Variants in CADPS observed in about 807,000 individuals in gnomAD.
The protein encoded by CADPS is calcium-dependent secretion activator 1.
Under a neutral mutation model 167.3 loss-of-function variants are expected in CADPS, and 57 were observed. That is an observed-to-expected ratio of 0.34 (90% CI 0.28 to 0.42). The LOEUF is 0.42. Among genes scored for constraint, CADPS ranks in the 20% least tolerant of loss-of-function variants. CADPS has a pLI of 1.00. For missense variants in CADPS, 1,414 were observed against 1,738.1 expected, an observed-to-expected ratio of 0.81 and a Z score of 3.32; for synonymous variants, 676 against 635.3, an observed-to-expected ratio of 1.06 and a Z score of -0.96.
intron 13 of CADPS, among the ~76,000 whole-genome samples, chr3:62,525,774 G>GA (rs898370387): frequency 1.3e-5 from 2 of 151,438 alleles, no homozygotes; most frequent in African/African-American, 4.9e-5. Context: ...TAGAGTGAAA[G>GA]AAAAAAATGT....
At chr3:62,654,896 A>G (rs1357782766) in intron 4 of CADPS, among the ~76,000 whole-genome samples, 2 of 152,128 alleles carry the variant, frequency 1.3e-5, no homozygotes, top group Non-Finnish European at 2.9e-5. Context: ...ATTTTGAGAG[A>G]CTGTCTTGTC....
intron 28 of CADPS, among the ~76,000 whole-genome samples, chr3:62,415,050 G>A (rs1029853521): frequency 6.6e-6 from 1 of 152,150 alleles, no homozygotes; most frequent in African/African-American, 2.4e-5. Flanking sequence ...CCCAGCTGGT[G>A]GCCCGAGGCA....
intron 6 of CADPS, among the ~76,000 whole-genome samples, chr3:62,603,615 T>C (rs2060276610): frequency 6.6e-6 from 1 of 152,228 alleles, no homozygotes; most frequent in Non-Finnish European, 1.5e-5. Context: ...ATTTTTTTTC[T>C]GTCCTAAAAC....
At chr3:62,524,648 G>A (rs897363796) in intron 13 of CADPS, among the ~76,000 whole-genome samples, 2 of 152,114 alleles carry the variant, frequency 1.3e-5, no homozygotes, top group African/African-American at 4.8e-5. Flanking sequence ...AGTATCAGAA[G>A]GTGTCATTAA....
intron 1 of CADPS, chr3:62,779,419 T>G: frequency 2.1e-6 from 1 of 483,210 alleles, no homozygotes; most frequent in South Asian, 1.8e-5. Flanking sequence ...CTTCTTAATT[T>G]CATTCTTGAT....
intron 23 of CADPS, among the ~76,000 whole-genome samples, chr3:62,475,578 T>G (rs2061168053): frequency 1.1e-5 from 1 of 92,714 alleles, no homozygotes; most frequent in Non-Finnish European, 2.0e-5. Context: ...GGAGCCCAGT[T>G]CTTAAGAAAA....
intron 3 of CADPS, among the ~76,000 whole-genome samples, chr3:62,679,766 A>G (rs2076865196): frequency 6.6e-6 from 1 of 152,036 alleles, no homozygotes; most frequent in South Asian, 2.1e-4. Context: ...TTTAAGTTGG[A>G]TATAAAATTG....
chr3:62,770,888 C>T (rs2088516698), intron 1 of CADPS, among the ~76,000 whole-genome samples: 1 of 152,084 alleles, frequency 6.6e-6, no homozygotes, highest in South Asian at 2.1e-4. Flanking sequence ...ATGAGTGTTG[C>T]CTGTTTTTGA....
Position 62,518,157 on chromosome 3 carries a change from T to C in CADPS, c.2385A>G (p.Thr795=). ...CAGCCCCAGATCCTTACCTAAAATG[T>C]GTAATCTGATTTTCTAGCAGAACTC... ...RLRVLLENQI[T]HFRYCFPFGR... The change falls in exon 14 of 30, where the codon ACA becomes ACG. Residue 795 remains threonine (T), a synonymous_variant. Transcript: ENST00000383710. 1 of 1,610,054 alleles carries C rather than the reference T, an allele frequency of 6.2e-7. No homozygotes were observed. The highest frequency in any genetic ancestry group is 1.3e-5 in the African/African-American group (1 of 74,930).
At chr3:62,566,532 GT>G (rs1562249195) in intron 9 of CADPS, among the ~76,000 whole-genome samples, 1 of 152,016 alleles carries the variant, frequency 6.6e-6, no homozygotes, top group Non-Finnish European at 1.5e-5. Flanking sequence ...AAGGGAGTGT[GT>G]TTTTTTCTTT....
intron 6 of CADPS, among the ~76,000 whole-genome samples, chr3:62,596,598 G>A (rs2058981167): frequency 6.6e-6 from 1 of 152,070 alleles, no homozygotes. Context: ...GTATGTGTTG[G>A]AAACATTCAA....
chr3:62,725,214 C>T (rs1294713607), intron 3 of CADPS, among the ~76,000 whole-genome samples: 1 of 152,228 alleles, frequency 6.6e-6, no homozygotes, highest in East Asian at 1.9e-4. Context: ...TCCACACCTG[C>T]ACTGTCCAAG....
At chr3:62,743,501 T>G (rs1489271149) in intron 3 of CADPS, among the ~76,000 whole-genome samples, 1 of 152,206 alleles carries the variant, frequency 6.6e-6, no homozygotes, top group African/African-American at 2.4e-5. Context: ...ATGTTGTATG[T>G]TCTTCCTCCA....
At chr3:62,564,010 C>CT (rs201068195) in intron 9 of CADPS, among the ~76,000 whole-genome samples, 2,064 of 151,142 alleles carry the variant, frequency 0.014, 31 homozygotes, top group South Asian at 0.048. Context: ...TGTTAGGTTT[C>CT]TTTTTTTTTG....
intron 24 of CADPS, 66 bp downstream of exon 24, chr3:62,474,107 G>T: frequency 8.7e-7 from 1 of 1,148,212 alleles, no homozygotes; most frequent in Non-Finnish European, 1.2e-6. Context: ...AGGAATTTGT[G>T]AAGTTTTCTT....
intron 3 of CADPS, among the ~76,000 whole-genome samples, chr3:62,692,691 A>G (rs1285477200): frequency 6.6e-6 from 1 of 152,072 alleles, no homozygotes; most frequent in Non-Finnish European, 1.5e-5. Flanking sequence ...CCAAGATGGT[A>G]ACAATACCAT....
At chr3:62,820,368 C>A (rs573476953) in intron 1 of CADPS, among the ~76,000 whole-genome samples, 130 of 152,288 alleles carry the variant, frequency 8.5e-4, no homozygotes, top group Middle Eastern at 6.8e-3. Context: ...CCTCCTTGAT[C>A]TGGAATTGCC....
chr3:62,659,022 G>T (rs542670310), intron 4 of CADPS, among the ~76,000 whole-genome samples: 1 of 152,222 alleles, frequency 6.6e-6, no homozygotes, highest in Admixed American at 6.5e-5. Flanking sequence ...CTCCGTCTCC[G>T]ATCTCCTCTT....
At chr3:62,447,183 G>A (rs576068410) in intron 26 of CADPS, among the ~76,000 whole-genome samples, 1 of 152,172 alleles carries the variant, frequency 6.6e-6, no homozygotes, top group Non-Finnish European at 1.5e-5. Flanking sequence ...CTTAGCCTTG[G>A]TTTCCAGATT....
Sources: allele counts gnomAD v4.1 joint callset (sites outside exome capture counted in the v4.1 genomes callset), GRCh38; gene constraint gnomAD v4.1.1; transcripts MANE v1.5; gene names NCBI Gene and HGNC (gene_info 2026-07-23, HGNC 2026-07-21).